SRSF11: variants seen among roughly 807,000 people sequenced by gnomAD.
SRSF11 encodes the protein serine/arginine-rich splicing factor 11.
In SRSF11, 9 loss-of-function variants were observed where a neutral mutation model predicts 56.0. The ratio of observed to expected loss-of-function variants is 0.16; its 90% CI spans 0.10 to 0.28. The LOEUF is 0.28. Ranked by LOEUF, SRSF11 falls within the 10% of genes least tolerant of loss-of-function variation. The pLI is 1.00. For missense variants in SRSF11, 421 were observed against 600.7 expected (o/e 0.70, Z 3.13); for synonymous variants, 222 against 215.3 (o/e 1.03, Z -0.27).
At chr1:70,216,573 A>T (rs1228176354), upstream of SRSF11, among the ~76,000 whole-genome samples, 1 of 151,930 alleles carries the variant, frequency 6.6e-6, no homozygotes, top group Non-Finnish European at 1.5e-5. Flanking sequence ...TTGGGACCAC[A>T]GGTGCACACC....
chr1:70,248,734 A>G (rs939582105), intron 9 of SRSF11: 1 of 151,704 alleles, frequency 6.6e-6, no homozygotes, highest in African/African-American at 2.4e-5. Flanking sequence ...TTATTGGATC[A>G]CTCTAAATTA....
chr1:70,244,372 A>AC (rs1252896199), intron 7 of SRSF11, among the ~76,000 whole-genome samples: 1 of 152,182 alleles, frequency 6.6e-6, no homozygotes, highest in Non-Finnish European at 1.5e-5. Flanking sequence ...AATAAGTCAT[A>AC]CTTTTATTCT....
chr1:70,215,087 G>T (rs577391548), intron 1 of SRSF11, among the ~76,000 whole-genome samples: 1 of 151,728 alleles, frequency 6.6e-6, no homozygotes, highest in Non-Finnish European at 1.5e-5. Context: ...TAGTAGAGGC[G>T]GGGTTTCGTC....
At chr1:70,232,621 T>C (rs1016031273) in intron 3 of SRSF11, among the ~76,000 whole-genome samples, 1 of 152,178 alleles carries the variant, frequency 6.6e-6, no homozygotes, top group Non-Finnish European at 1.5e-5. Flanking sequence ...AACCCATGAG[T>C]AGTTTTGGAA....
At chr1:70,229,354 A>G (rs912393971) in intron 2 of SRSF11, 77 of 1,197,138 alleles carry the variant, frequency 6.4e-5, no homozygotes, top group Non-Finnish European at 8.0e-5. Flanking sequence ...TGTTAACTAC[A>G]TTTTCTCTCT....
chr1:70,221,865 C>G (rs202184074), intron 1 of SRSF11, 26 bp downstream of exon 1: 9 of 1,612,378 alleles, frequency 5.6e-6, no homozygotes, highest in African/African-American at 2.7e-5. Flanking sequence ...CATCACTGTT[C>G]CTGCTAACGC....
At chr1:70,210,004 A>G (rs1669413279) in intron 1 of SRSF11, among the ~76,000 whole-genome samples, 1 of 151,890 alleles carries the variant, frequency 6.6e-6, no homozygotes, top group Non-Finnish European at 1.5e-5. Flanking sequence ...CTGGAGTTGT[A>G]TATGGTAATT....
At position 70,221,563 on chromosome 1, in the gene SRSF11, C is replaced by T. The variant is rs1189132532; in HGVS notation, c.-74C>T. On this transcript the variant is annotated 5_prime_UTR_variant, in exon 1 of 12. Transcript: ENST00000370949. ...CCCTCCTCTCTCCCGCAATCCGGTT[C>T]CTCTTCCCCCTCCTTCTCACTGTTT... is the stretch of plus-strand genomic sequence containing the variant. 2 of 1,524,358 alleles carry T rather than the reference C, an allele frequency of 1.3e-6. No homozygotes were observed. Among genetic ancestry groups the T allele is most frequent in the African/African-American group, 2.8e-5 (2 of 71,806 alleles). The allele number at this position is 1,524,358 out of a possible 1,614,324, so 94.4% of individuals were successfully genotyped here.
rs1274287027 is a variant in SRSF11 at position 70,205,875 on chromosome 1, C to T, written c.-26+95C>T. The T allele has an allele frequency of 2.6e-5, 5 of 193,944 alleles. No individual in the cohort carries two copies. In the East Asian group the frequency reaches 6.1e-4, roughly 24 times the overall value. 12.0% of individuals were successfully genotyped at this position (193,944 alleles called of 1,614,324 possible). A position where few individuals can be genotyped will look rare whatever the true frequency, so the allele number is the denominator to read the frequency against. ...CTTCTCCTCTGTGCTTCCACCGTGG[C>T]GAGGGTGTGGGGAAAGAGAACCCTC... On this transcript the variant is annotated intron_variant, in intron 1 of 12. Transcript: ENST00000370950.
At chr1:70,243,438 T>C (rs1345132104) in intron 7 of SRSF11, among the ~76,000 whole-genome samples, 1 of 144,926 alleles carries the variant, frequency 6.9e-6, no homozygotes, top group South Asian at 2.4e-4. Context: ...TGTGTGTGCC[T>C]ACACTAAGGC....
At chr1:70,242,494 G>C (rs1246309480) in intron 7 of SRSF11, among the ~76,000 whole-genome samples, 1 of 107,000 alleles carries the variant, frequency 9.3e-6, no homozygotes, top group Non-Finnish European at 1.9e-5. Flanking sequence ...TGTAGAGACA[G>C]GGTTTTGCCA....
At position 70,241,683 on chromosome 1, in the gene SRSF11, C is replaced by T. The variant is rs72678619; in HGVS notation, c.800+2163C>T. Among the ~76,000 whole-genome samples the T allele has an allele frequency of 8.3e-3, 1,258 of 152,308 alleles. 5 individuals are homozygous for T. The highest frequency in any genetic ancestry group is 0.011 in the Non-Finnish European group (730 of 68,016). ...TGTCTTCATGTTTCTGCTCATGATC[C>T]TTTCTGCCTAATGCTTTTCCACATC... is the stretch of plus-strand genomic sequence containing the variant. On this transcript the variant is annotated intron_variant, in intron 7 of 11. Coordinates refer to ENST00000370949, the MANE Select transcript of SRSF11 (RefSeq NM_001350605.2).
chr1:70,213,835 G>A (rs1419062158), intron 1 of SRSF11, among the ~76,000 whole-genome samples: 1 of 152,076 alleles, frequency 6.6e-6, no homozygotes, highest in African/African-American at 2.4e-5. Context: ...ATCTTAATTG[G>A]TAGAGTCCCT....
intron 1 of SRSF11, among the ~76,000 whole-genome samples, chr1:70,207,936 C>T (rs896995588): frequency 1.2e-4 from 19 of 152,078 alleles, no homozygotes; most frequent in Non-Finnish European, 2.6e-4. Context: ...GTCTTGAACT[C>T]CTGGCCTCAA....
At chr1:70,238,227 T>A (rs1674542834) in intron 6 of SRSF11, among the ~76,000 whole-genome samples, 1 of 152,186 alleles carries the variant, frequency 6.6e-6, no homozygotes, top group Non-Finnish European at 1.5e-5. Flanking sequence ...GTCAAATAAT[T>A]AGCCACAGTT....
upstream of SRSF11, among the ~76,000 whole-genome samples, chr1:70,220,666 A>G (rs1225879322): frequency 6.6e-6 from 1 of 152,136 alleles, no homozygotes; most frequent in Non-Finnish European, 1.5e-5. Flanking sequence ...CCTGGCCAAC[A>G]TGGTGAAACC....
At chr1:70,214,209 G>A (rs1354933264) in intron 1 of SRSF11, among the ~76,000 whole-genome samples, 1 of 151,994 alleles carries the variant, frequency 6.6e-6, no homozygotes, top group East Asian at 1.9e-4. Context: ...TTTTAAGATC[G>A]TGAAGCATTC....
In SRSF11 at chr1:70,250,041, C is replaced by A; in HGVS notation, c.1112C>A (p.Pro371His). The A allele has an allele frequency of 6.2e-7, 1 of 1,610,516 alleles. No individual in the cohort carries two copies. Among genetic ancestry groups the A allele is most frequent in the Non-Finnish European group, 8.5e-7 (1 of 1,177,248 alleles). ...PKRKLSRSPS[P>H]RRHKKEKKKD... ...AGAAAATTGTCCCGCTCACCATCCC[C>A]TAGGAGGTAAGAATGTTAATCATTT... The change falls in exon 10 of 12, where the codon CCT becomes CAT. Residue 371 changes from proline to histidine, a missense_variant. Physicochemically the swap from Pro to His is moderately conservative, Grantham distance 77. Transcript: ENST00000370949.
At chr1:70,235,907 A>G (rs529048952) in intron 5 of SRSF11, among the ~76,000 whole-genome samples, 2 of 152,358 alleles carry the variant, frequency 1.3e-5, no homozygotes, top group East Asian at 1.9e-4. Context: ...AGTATTACAT[A>G]TTATATAATT....
Sources: gnomAD v4.1 joint callset for allele counts (sites outside exome capture counted in the v4.1 genomes callset) on GRCh38, gnomAD v4.1.1 for gene constraint, MANE v1.5 for transcripts, NCBI Gene and HGNC (gene_info 2026-07-23, HGNC 2026-07-21) for gene names.